The following DCC variants were observed in gnomAD, a reference collection of about 807,000 sequenced individuals.
DCC encodes the protein netrin receptor DCC.
Under a neutral mutation model 172.5 loss-of-function variants are expected in DCC, and 58 were observed. That is an observed-to-expected ratio of 0.34 (90% CI 0.27 to 0.42). DCC has a LOEUF of 0.42. Ranked by LOEUF, DCC falls within the 10% of genes least tolerant of loss-of-function variation. DCC has a pLI of 1.00. For missense variants in DCC, 1,740 were observed against 1,791.0 expected (o/e 0.97, Z 0.51); for synonymous variants, 709 against 644.5 (o/e 1.10, Z -1.52).
chr18:53,313,769 G>T (rs1568049653), intron 13 of DCC, among the ~76,000 whole-genome samples: 1 of 152,052 alleles, frequency 6.6e-6, no homozygotes, highest in African/African-American at 2.4e-5. Flanking sequence ...TCTAGCATAG[G>T]GCATGTGGGC....
chr18:53,288,339 T>C (rs1270152295), intron 12 of DCC, among the ~76,000 whole-genome samples: 1 of 152,152 alleles, frequency 6.6e-6, no homozygotes, highest in Non-Finnish European at 1.5e-5. Context: ...TGATGGACAA[T>C]GGCATATTCT....
intron 5 of DCC, among the ~76,000 whole-genome samples, chr18:53,053,661 C>T (rs1317655840): frequency 6.6e-6 from 1 of 152,130 alleles, no homozygotes; most frequent in African/African-American, 2.4e-5. Flanking sequence ...CACATCTTTT[C>T]CTCTCAAATA....
At chr18:53,150,182 T>G (rs1179007012) in intron 7 of DCC, among the ~76,000 whole-genome samples, 1 of 152,206 alleles carries the variant, frequency 6.6e-6, no homozygotes, top group Non-Finnish European at 1.5e-5. Flanking sequence ...CAAACCTGCA[T>G]TTCCTTAGAA....
intron 7 of DCC, among the ~76,000 whole-genome samples, chr18:53,145,012 G>A (rs551346020): frequency 4.0e-5 from 6 of 150,506 alleles, no homozygotes; most frequent in East Asian, 4.0e-4. Context: ...GAGTGTTTGC[G>A]TCCCTCTAAA....
chr18:53,095,992 C>G (rs2043082264), intron 7 of DCC, among the ~76,000 whole-genome samples: 1 of 151,870 alleles, frequency 6.6e-6, no homozygotes, highest in African/African-American at 2.4e-5. Context: ...AGGCTGTAAT[C>G]CCATTGATTT....
chr18:52,956,481 C>T (rs980104844), intron 5 of DCC, among the ~76,000 whole-genome samples: 2 of 151,910 alleles, frequency 1.3e-5, no homozygotes, highest in African/African-American at 4.8e-5. Flanking sequence ...TTACTATAAC[C>T]TTATTTAGTT....
At chr18:53,200,785 C>T (rs8088310) in intron 9 of DCC, among the ~76,000 whole-genome samples, 3,936 of 152,152 alleles carry the variant, frequency 0.026, 173 homozygotes, top group African/African-American at 0.09. Flanking sequence ...CATGACCTCC[C>T]GCTCCAGACC....
chr18:53,205,502 A>G, intron 10 of DCC, 138 bp downstream of exon 10: 2 of 859,034 alleles, frequency 2.3e-6, no homozygotes. Context: ...TGAAAAGCTG[A>G]TTAGTTTTAA....
chr18:53,389,159 G>A lies in DCC; in HGVS notation c.2456-2496G>A, dbSNP rs138254809. On this transcript the variant is annotated intron_variant, in intron 16 of 28. Coordinates refer to ENST00000442544, the MANE Select transcript of DCC (RefSeq NM_005215.4). ...CAAAAACACCTGTTAGGAATTGAAC[G>A]GATTTCTTTCTCAGCAAAAGTTTGG... 1.1e-4 allele frequency among the ~76,000 whole-genome samples: 17 copies of A among 152,080 alleles called. No homozygotes were observed. In the East Asian group the frequency reaches 1.9e-3, roughly 17 times the overall value.
intron 1 of DCC, among the ~76,000 whole-genome samples, chr18:52,450,595 G>A (rs943016060): frequency 5.3e-5 from 8 of 152,268 alleles, no homozygotes; most frequent in South Asian, 2.1e-4. Context: ...CTGCCCAAAC[G>A]TTTCTTACTC....
intron 1 of DCC, among the ~76,000 whole-genome samples, chr18:52,583,528 T>C (rs1051105161): frequency 6.6e-6 from 1 of 152,230 alleles, no homozygotes; most frequent in Non-Finnish European, 1.5e-5. Flanking sequence ...TATTTTTATA[T>C]CCATCCTTTT....
chr18:52,638,541 C>T (rs1295949209), intron 1 of DCC, among the ~76,000 whole-genome samples: 1 of 151,992 alleles, frequency 6.6e-6, no homozygotes, highest in Non-Finnish European at 1.5e-5. Flanking sequence ...TTATATCAGA[C>T]AAAACAAACT....
At chr18:53,112,033 T>A (rs1294543486) in intron 7 of DCC, among the ~76,000 whole-genome samples, 1 of 151,496 alleles carries the variant, frequency 6.6e-6, no homozygotes, top group Non-Finnish European at 1.5e-5. Context: ...TTTTCACGAT[T>A]GCTTTTGAGC....
At chr18:52,853,543 C>T (rs2039008799) in intron 2 of DCC, among the ~76,000 whole-genome samples, 1 of 152,082 alleles carries the variant, frequency 6.6e-6, no homozygotes, top group African/African-American at 2.4e-5. Context: ...TGGATTTAAT[C>T]CATGGTAGAG....
At chr18:52,430,550 G>A (rs1354331596) in intron 1 of DCC, among the ~76,000 whole-genome samples, 1 of 152,106 alleles carries the variant, frequency 6.6e-6, no homozygotes, top group Non-Finnish European at 1.5e-5. Flanking sequence ...GATGATGAAT[G>A]TGCTGGGGTG....
intron 2 of DCC, among the ~76,000 whole-genome samples, chr18:52,883,452 CT>C (rs1427527026): frequency 9.8e-5 from 14 of 142,166 alleles, no homozygotes; most frequent in Non-Finnish European, 1.2e-4. Flanking sequence ...TATTTTCTTT[CT>C]TTTTATTTTT....
At chr18:53,509,116 G>A (rs922664447) in intron 27 of DCC, among the ~76,000 whole-genome samples, 4 of 152,168 alleles carry the variant, frequency 2.6e-5, no homozygotes, top group Admixed American at 6.5e-5. Flanking sequence ...CTAACTTCCA[G>A]TTTAGCTATT....
At chr18:52,898,030 T>C (rs1405898452) in intron 2 of DCC, among the ~76,000 whole-genome samples, 9 of 152,212 alleles carry the variant, frequency 5.9e-5, no homozygotes, top group African/African-American at 1.9e-4. Context: ...GCCTTTTGGC[T>C]AATTTGAGAA....
chr18:52,528,432 C>G (rs2032047306), intron 1 of DCC, among the ~76,000 whole-genome samples: 1 of 152,184 alleles, frequency 6.6e-6, no homozygotes, highest in East Asian at 1.9e-4. Context: ...GGAATTTTGA[C>G]CATATTTCTG....
Sources: gnomAD v4.1 joint callset for allele counts (sites outside exome capture counted in the v4.1 genomes callset) on GRCh38, gnomAD v4.1.1 for gene constraint, MANE v1.5 for transcripts, NCBI Gene and HGNC (gene_info 2026-07-23, HGNC 2026-07-21) for gene names.